Variants in ABLIM1 observed in about 807,000 individuals in gnomAD.
ABLIM1 encodes actin-binding LIM protein 1.
ABLIM1 carries 40 observed loss-of-function variants against 107.0 expected under a neutral mutation model. The observed-to-expected ratio is 0.37, with a 90% CI of 0.29 to 0.49. ABLIM1 has a LOEUF of 0.49. Ranked by LOEUF, ABLIM1 falls within the 20% of genes least tolerant of loss-of-function variation. ABLIM1 has a pLI of 0.97. For missense variants in ABLIM1, 857 were observed against 1,008.5 expected (o/e 0.85, Z 2.04); for synonymous variants, 357 against 357.3 (o/e 1.00, Z 0.01).
chr10:114,731,226 C>T (rs1338810172), intron 1 of ABLIM1, among the ~76,000 whole-genome samples: 6 of 151,506 alleles, frequency 4.0e-5, no homozygotes, highest in African/African-American at 7.3e-5. Context: ...CTGCAACCTC[C>T]GCCTCCCGGG....
At chr10:114,548,634 C>T (rs1214701911) in intron 4 of ABLIM1, among the ~76,000 whole-genome samples, 2 of 152,222 alleles carry the variant, frequency 1.3e-5, no homozygotes, top group Non-Finnish European at 2.9e-5. Context: ...CATAATTAAT[C>T]TGATTATCGA....
rs1406776153 is a variant in ABLIM1, at chr10:114,707,771, G to A, written c.-213+60290C>T. ...CAAAAATTAGCCAGGCGTGGTGGCG[G>A]GTGCCTGTCATCCCAGCTACTCGGC... On this transcript the variant is annotated intron_variant, in intron 1 of 15. Coordinates refer to the ABLIM1 transcript ENST00000651092. This position sits in a 1 kb window ranked among gnomAD's most constrained non-coding sequence, Gnocchi z 4.1. Among the ~76,000 whole-genome samples the A allele has an allele frequency of 1.3e-5, 2 of 151,962 alleles. No individual in the cohort carries two copies. Among genetic ancestry groups the A allele is most frequent in the African/African-American group, 4.8e-5 (2 of 41,386 alleles).
At chr10:114,756,553 T>C (rs2082634210) in intron 1 of ABLIM1, among the ~76,000 whole-genome samples, 1 of 152,214 alleles carries the variant, frequency 6.6e-6, no homozygotes, top group South Asian at 2.1e-4. Flanking sequence ...AGTATGTCTC[T>C]CCAATGACTT....
the ABLIM1 span, among the ~76,000 whole-genome samples, chr10:114,794,287 A>G: frequency 0.015 from 2,247 of 152,300 alleles, 30 homozygotes; most frequent in Middle Eastern, 0.034. Flanking sequence ...TTGATATATT[A>G]TATCTCTTTT....
chr10:114,627,018 C>T (rs1379134180), intron 1 of ABLIM1, among the ~76,000 whole-genome samples: 2 of 152,182 alleles, frequency 1.3e-5, no homozygotes, highest in East Asian at 1.9e-4. Context: ...AACACCTTGA[C>T]CTCAGGCTTG....
At chr10:114,734,969 T>A (rs1040129208) in intron 1 of ABLIM1, among the ~76,000 whole-genome samples, 2 of 152,178 alleles carry the variant, frequency 1.3e-5, no homozygotes, top group African/African-American at 4.8e-5. Flanking sequence ...CCTACACTGG[T>A]TCCAGCATGG....
intron 1 of ABLIM1, among the ~76,000 whole-genome samples, chr10:114,607,570 T>A (rs1221056182): frequency 1.3e-5 from 2 of 152,200 alleles, no homozygotes; most frequent in Non-Finnish European, 2.9e-5. Context: ...TCAACAGTGA[T>A]AAGTCACGTT....
chr10:114,718,032 A>AAGGAAG (rs753398691), intron 1 of ABLIM1, among the ~76,000 whole-genome samples: 9 of 92,982 alleles, frequency 9.7e-5, no homozygotes, highest in Non-Finnish European at 1.2e-4. Flanking sequence ...GGAAGGAAGG[A>AAGGAAG]GAAAGAGAAA....
chr10:114,691,321 G>A (rs2081073828), intron 1 of ABLIM1, among the ~76,000 whole-genome samples: 1 of 152,128 alleles, frequency 6.6e-6, no homozygotes, highest in South Asian at 2.1e-4. Flanking sequence ...TTATTTGCAT[G>A]AATTTTTTTC....
intron 4 of ABLIM1, among the ~76,000 whole-genome samples, chr10:114,561,625 C>T (rs943951763): frequency 1.3e-5 from 2 of 152,140 alleles, no homozygotes; most frequent in Non-Finnish European, 2.9e-5. Context: ...TATAGATACA[C>T]AAAGCAGTGC....
At chr10:114,454,289 C>T in intron 12 of ABLIM1, among the ~76,000 whole-genome samples, 1 of 152,096 alleles carries the variant, frequency 6.6e-6, no homozygotes, top group East Asian at 1.9e-4. Flanking sequence ...AACTTAAATG[C>T]CATATAATGA....
At chr10:114,607,645 AAAAAC>A (rs762508381) in intron 1 of ABLIM1, among the ~76,000 whole-genome samples, 29 of 152,230 alleles carry the variant, frequency 1.9e-4, no homozygotes, top group Non-Finnish European at 3.5e-4. Flanking sequence ...TCTTCCTTCC[AAAAAC>A]AAAACAAAAC....
intron 8 of ABLIM1, among the ~76,000 whole-genome samples, chr10:114,479,360 C>T (rs1368966454): frequency 1.3e-5 from 2 of 152,214 alleles, no homozygotes; most frequent in East Asian, 3.9e-4. Context: ...CCCCAGCGTT[C>T]TCTACAGCTA....
intron 4 of ABLIM1, among the ~76,000 whole-genome samples, chr10:114,561,136 G>C (rs1466868495): frequency 6.6e-6 from 1 of 152,222 alleles, no homozygotes; most frequent in Non-Finnish European, 1.5e-5. Context: ...ACCTGGCGAA[G>C]AGGTTTATGA....
At chr10:114,646,197 T>A (rs2079006285) in intron 1 of ABLIM1, among the ~76,000 whole-genome samples, 1 of 152,312 alleles carries the variant, frequency 6.6e-6, no homozygotes, top group African/African-American at 2.4e-5. Flanking sequence ...TGGATCTGGA[T>A]TACACAATAT....
At chr10:114,596,993 T>C (rs970323673) in intron 2 of ABLIM1, among the ~76,000 whole-genome samples, 2 of 151,970 alleles carry the variant, frequency 1.3e-5, no homozygotes, top group Admixed American at 1.3e-4. Context: ...GGACTCGAGG[T>C]CACAGTCAGA....
At chr10:114,666,396 A>C (rs1345335320) in intron 1 of ABLIM1, among the ~76,000 whole-genome samples, 1 of 152,222 alleles carries the variant, frequency 6.6e-6, no homozygotes, top group Non-Finnish European at 1.5e-5. Flanking sequence ...ATGCAAAATC[A>C]ATAGAGTTTG....
intron 3 of ABLIM1, among the ~76,000 whole-genome samples, chr10:114,572,992 A>G (rs903110591): frequency 6.6e-6 from 1 of 152,034 alleles, no homozygotes; most frequent in Admixed American, 6.5e-5. Context: ...TTCCCATCCA[A>G]GCTTATTATT....
chr10:114,497,071 TAGGAGA>T lies in ABLIM1; in HGVS notation c.895-5199_895-5194del, dbSNP rs537191522. The stretch of plus-strand genomic sequence containing the variant: ...AAATCATTTAAATTGGAGTTATTTT[TAGGAGA>T]AGGAGAAGTATTTCAGATCATGAGC... On this transcript the variant is annotated intron_variant, in intron 6 of 22. Transcript: ENST00000533213. 1.3e-3 allele frequency among the ~76,000 whole-genome samples: 198 copies of T among 152,350 alleles called. 2 individuals are homozygous for T. The highest frequency in any genetic ancestry group is 4.0e-3 in the African/African-American group (166 of 41,578).
Sources: allele counts gnomAD v4.1 joint callset (sites outside exome capture counted in the v4.1 genomes callset), GRCh38; gene constraint gnomAD v4.1.1; non-coding constraint Gnocchi (gnomAD v3.1); transcripts MANE v1.5; gene names NCBI Gene and HGNC (gene_info 2026-07-23, HGNC 2026-07-21).